The following FAM20C variants were observed in gnomAD, a reference collection of about 807,000 sequenced individuals.
FAM20C encodes the protein FAM20C golgi associated secretory pathway kinase, also known as extracellular serine/threonine protein kinase FAM20C.
A neutral mutation model predicts 51.5 loss-of-function variants in FAM20C; 40 were observed. The ratio of observed to expected loss-of-function variants is 0.78; its 90% confidence interval spans 0.60 to 1.01. FAM20C has a LOEUF of 1.01. Among genes scored for constraint, FAM20C ranks in the 50% least tolerant of loss-of-function variants. The pLI, the probability that FAM20C is intolerant of heterozygous loss-of-function variation, is 0.00. For synonymous variants in FAM20C, 406 were observed against 380.6 expected (o/e 1.07, Z -0.78); for missense variants, 861 against 844.7 (o/e 1.02, Z -0.24).
At chr7:228,460 C>T (rs1255727534) in intron 3 of FAM20C, 1 of 456,156 alleles carries the variant, frequency 2.2e-6, no homozygotes, top group East Asian at 7.0e-5. Context: ...GGTGTCACGG[C>T]TCAGTGTGGG....
At chr7:253,486 T>C (rs1435690280) in intron 5 of FAM20C, among the ~76,000 whole-genome samples, 2 of 152,190 alleles carry the variant, frequency 1.3e-5, no homozygotes, top group African/African-American at 2.4e-5. Flanking sequence ...GGCTTTCTCC[T>C]TGCTGTTTGT....
intron 1 of FAM20C, chr7:195,195 C>T (rs896884485): frequency 3.7e-4 from 81 of 218,836 alleles, no homozygotes; most frequent in South Asian, 7.3e-4. Context: ...CACAGCCCCT[C>T]GCACCCTCAG....
At chr7:224,206 C>T (rs536413643) in intron 3 of FAM20C, among the ~76,000 whole-genome samples, 242 of 140,214 alleles carry the variant, frequency 1.7e-3, no homozygotes, top group African/African-American at 6.4e-3. Flanking sequence ...GGTCGCACGG[C>T]GGCTGTCCCC....
chr7:195,781 G>A, intron 2 of FAM20C, 49 bp downstream of exon 2: 4 of 1,473,182 alleles, frequency 2.7e-6, no homozygotes, highest in Non-Finnish European at 3.6e-6. Context: ...CGGCTGTGTG[G>A]CATCAGGGCT....
At chr7:230,064 G>A (rs1045898102) in intron 3 of FAM20C, among the ~76,000 whole-genome samples, 24 of 152,156 alleles carry the variant, frequency 1.6e-4, no homozygotes, top group African/African-American at 4.6e-4. Context: ...GGCCCCGGCC[G>A]TGGAACCTGT....
intron 3 of FAM20C, among the ~76,000 whole-genome samples, chr7:217,386 G>GCTGCA (rs1787033629): frequency 8.4e-6 from 1 of 118,730 alleles, no homozygotes; most frequent in African/African-American, 3.2e-5. Context: ...CTGTGGGTGA[G>GCTGCA]CTCCAGCCCC....
At chr7:258,309 ATGGACCCACTGCCCGGGGTGCTGGAGATG>A (rs1788716720) in intron 8 of FAM20C, among the ~76,000 whole-genome samples, 11 of 11,420 alleles carry the variant, frequency 9.6e-4, no homozygotes, top group African/African-American at 4.0e-3. Flanking sequence ...GATGGGTGGG[ATGGACCCACTGCCCGGGGTGCTGGAGATG>A]GGCAGGGTGG....
At chr7:207,985 C>T (rs922024386) in intron 2 of FAM20C, among the ~76,000 whole-genome samples, 5 of 152,220 alleles carry the variant, frequency 3.3e-5, no homozygotes, top group African/African-American at 2.4e-5. Flanking sequence ...GCTTCCACAC[C>T]CCAGCGAGTC....
chr7:254,944 G>A (rs1443628397), intron 5 of FAM20C, among the ~76,000 whole-genome samples: 2 of 152,164 alleles, frequency 1.3e-5, no homozygotes, highest in African/African-American at 2.4e-5. Context: ...ATTTCGTTTC[G>A]TGTCATCGCA....
intron 3 of FAM20C, among the ~76,000 whole-genome samples, chr7:223,589 G>A (rs991630364): frequency 6.6e-6 from 1 of 152,188 alleles, no homozygotes; most frequent in African/African-American, 2.4e-5. Context: ...TCTGCAGCCG[G>A]CTCGTCTGTG....
chr7:257,452 T>C (rs1788629610), intron 8 of FAM20C: 1 of 221,650 alleles, frequency 4.5e-6, no homozygotes, highest in South Asian at 9.1e-5. Flanking sequence ...ATAGGCGGCC[T>C]CTGCGGCCGC....
intron 8 of FAM20C, 96 bp downstream of exon 8, chr7:257,182 C>T (rs1788621095): frequency 8.4e-7 from 1 of 1,191,608 alleles, no homozygotes; most frequent in Non-Finnish European, 1.2e-6. Flanking sequence ...GGGGAGCAGA[C>T]CCTCCAGTGG....
At chr7:251,605 C>G (rs927714734) in intron 5 of FAM20C, among the ~76,000 whole-genome samples, 1 of 152,182 alleles carries the variant, frequency 6.6e-6, no homozygotes, top group Non-Finnish European at 1.5e-5. Flanking sequence ...CACTTGGAAT[C>G]CCCAGGTCCT....
intron 9 of FAM20C, among the ~76,000 whole-genome samples, chr7:258,948 G>C (rs542605551): frequency 6.6e-6 from 1 of 152,186 alleles, no homozygotes. Flanking sequence ...CTCTGTGTCC[G>C]TCCTGCCACC....
rs925466433 is a variant in FAM20C at position 193,034 on chromosome 7, G to A, written c.-166G>A. 5 of 354,302 alleles carry A rather than the reference G, an allele frequency of 1.4e-5. No individual in the cohort carries two copies. The highest frequency in any genetic ancestry group is 2.2e-5 in the Non-Finnish European group (5 of 228,650). The allele number at this position is 354,302 out of a possible 1,614,324, so 21.9% of individuals were successfully genotyped here. On this transcript the variant is annotated 5_prime_UTR_variant, in exon 1 of 10. Transcript: ENST00000313766. The stretch of plus-strand genomic sequence containing the variant: ...TGGCGCGGGGACCCAGCGCTCCGGC[G>A]GCGGGCGCCCTGCACGCGGCCCGGG...
chr7:241,420 ACTC>A (rs1787942632), intron 3 of FAM20C, among the ~76,000 whole-genome samples: 1 of 151,746 alleles, frequency 6.6e-6, no homozygotes, highest in Non-Finnish European at 1.5e-5. Context: ...AGGAAATCAG[ACTC>A]CGCCTTTTCA....
chr7:193,057 G>A lies in FAM20C; in HGVS notation c.-143G>A. 7.0e-6 allele frequency: 4 copies of A among 570,274 alleles called. No homozygotes were observed. The highest frequency in any genetic ancestry group is 9.6e-6 in the Non-Finnish European group (4 of 417,062). The allele number at this position is 570,274 out of a possible 1,614,324, so 35.3% of individuals were successfully genotyped here. On this transcript the variant is annotated 5_prime_UTR_variant, in exon 1 of 10. Coordinates refer to ENST00000313766, the MANE Select transcript of FAM20C (RefSeq NM_020223.4). ...GCGGCGGGCGCCCTGCACGCGGCCC[G>A]GGCCCGGGGACAGCCCCGGAGCTGG...
At chr7:257,338 C>T in intron 8 of FAM20C, 1 of 529,562 alleles carries the variant, frequency 1.9e-6, no homozygotes, top group Non-Finnish European at 3.4e-6. Flanking sequence ...GCTGGTGTTA[C>T]CTGGGAAACG....
At chr7:230,204 C>T (rs1199712695) in intron 3 of FAM20C, among the ~76,000 whole-genome samples, 6 of 152,164 alleles carry the variant, frequency 3.9e-5, no homozygotes, top group East Asian at 1.9e-4. Context: ...GGAGATTAAA[C>T]GCAGAGGAGG....
Sources: allele counts gnomAD v4.1 joint callset (sites outside exome capture counted in the v4.1 genomes callset), GRCh38; gene constraint gnomAD v4.1.1; transcripts MANE v1.5; gene names NCBI Gene and HGNC (gene_info 2026-07-23, HGNC 2026-07-21).